The following ELMO1 variants were observed in gnomAD, a reference collection of about 807,000 sequenced individuals.
ELMO1 encodes the protein engulfment and cell motility protein 1.
Under a neutral mutation model 98.9 loss-of-function variants are expected in ELMO1, and 26 were observed. The observed-to-expected ratio is 0.26, with a 90% CI of 0.19 to 0.36. The LOEUF (loss-of-function observed/expected upper bound fraction) is 0.36, where lower values mean the gene tolerates loss of function less well. Among genes scored for constraint, ELMO1 ranks in the 10% least tolerant of loss-of-function variants. The pLI, the probability that ELMO1 is intolerant of heterozygous loss-of-function variation, is 1.00. For synonymous variants in ELMO1, 346 were observed against 346.0 expected (o/e 1.00, Z 0.00); for missense variants, 627 against 935.2 (o/e 0.67, Z 4.30).
At chr7:36,954,311 T>G (rs1481073781) in intron 16 of ELMO1, among the ~76,000 whole-genome samples, 1 of 152,184 alleles carries the variant, frequency 6.6e-6, no homozygotes, top group Non-Finnish European at 1.5e-5. Context: ...GAATTAGGGT[T>G]CTGGCCAAAT....
chr7:36,923,345 T>C (rs1206208069), intron 16 of ELMO1, among the ~76,000 whole-genome samples: 4 of 152,230 alleles, frequency 2.6e-5, no homozygotes, highest in Admixed American at 6.5e-5. Flanking sequence ...GTCAATGTTA[T>C]ATCTCAGGTA....
intron 14 of ELMO1, among the ~76,000 whole-genome samples, chr7:37,103,125 A>G (rs1398464110): frequency 1.3e-5 from 2 of 152,232 alleles, no homozygotes; most frequent in East Asian, 3.8e-4. Context: ...AAACACCTCA[A>G]ACACTTGATG....
intron 6 of ELMO1, among the ~76,000 whole-genome samples, chr7:37,249,687 C>T (rs1277653244): frequency 6.6e-6 from 1 of 152,168 alleles, no homozygotes; most frequent in African/African-American, 2.4e-5. Flanking sequence ...TATTTTAAAA[C>T]AGCTTTAAAA....
intron 13 of ELMO1, among the ~76,000 whole-genome samples, chr7:37,143,282 G>C (rs1787756948): frequency 6.6e-6 from 1 of 152,236 alleles, no homozygotes; most frequent in African/African-American, 2.4e-5. Flanking sequence ...TGAACTCAGA[G>C]CATGGGCTTT....
intron 6 of ELMO1, among the ~76,000 whole-genome samples, chr7:37,250,015 G>T (rs942886239): frequency 6.6e-5 from 10 of 152,138 alleles, no homozygotes; most frequent in Non-Finnish European, 1.0e-4. Context: ...GGAGGTCAAG[G>T]CTGCAGTGAG....
chr7:37,260,853 G>A (rs1035422113), intron 5 of ELMO1, among the ~76,000 whole-genome samples: 1 of 152,186 alleles, frequency 6.6e-6, no homozygotes, highest in African/African-American at 2.4e-5. Context: ...TATTAAAAGG[G>A]AGAGTGGAGA....
chr7:36,963,215 T>C (rs1584443445), intron 16 of ELMO1, among the ~76,000 whole-genome samples: 1 of 151,502 alleles, frequency 6.6e-6, no homozygotes, highest in East Asian at 1.9e-4. Flanking sequence ...CTGTCTCTAC[T>C]AAAAATACAA....
intron 1 of ELMO1, among the ~76,000 whole-genome samples, chr7:37,396,435 T>C (rs1803303033): frequency 6.6e-6 from 1 of 152,082 alleles, no homozygotes; most frequent in South Asian, 2.1e-4. Context: ...GTCAGAGCCA[T>C]TAATATAGTC....
intron 1 of ELMO1, among the ~76,000 whole-genome samples, chr7:37,396,559 A>G (rs532156627): frequency 6.6e-6 from 1 of 152,332 alleles, no homozygotes; most frequent in Non-Finnish European, 1.5e-5. Flanking sequence ...ATGGACAAGA[A>G]TCATTCACAC....
intron 15 of ELMO1, among the ~76,000 whole-genome samples, chr7:37,022,800 T>C (rs1016015865): frequency 6.6e-6 from 1 of 152,236 alleles, no homozygotes; most frequent in African/African-American, 2.4e-5. Context: ...GCAGCACTAT[T>C]TGTTACAGCC....
rs1051469865 is a variant in ELMO1, at chr7:37,384,491, T to C, written c.-73-41728A>G. Among the ~76,000 whole-genome samples the C allele has an allele frequency of 8.5e-5, 13 of 152,060 alleles. No homozygotes were observed. The East Asian group carries it at 9.7e-4, about 11-fold the overall frequency. On this transcript the variant is annotated intron_variant, in intron 1 of 21. Coordinates refer to ENST00000310758, the MANE Select transcript of ELMO1 (RefSeq NM_014800.11). ...ATCCCAGCACTTTGGGAGGCCGAGG[T>C]GGGCGGATCACGAGGTCAGGAGATC...
intron 2 of ELMO1, among the ~76,000 whole-genome samples, chr7:37,328,614 AG>A (rs1799946016): frequency 6.6e-6 from 1 of 152,128 alleles, no homozygotes; most frequent in Non-Finnish European, 1.5e-5. Context: ...CCTGGCACAT[AG>A]GAAGTTCAGG....
intron 1 of ELMO1, among the ~76,000 whole-genome samples, chr7:37,420,217 G>T (rs1396667509): frequency 6.6e-6 from 1 of 152,106 alleles, no homozygotes; most frequent in African/African-American, 2.4e-5. Flanking sequence ...AAAATAAGCT[G>T]CCCTGGCACA....
intron 5 of ELMO1, among the ~76,000 whole-genome samples, chr7:37,264,663 T>A (rs1013411088): frequency 9.2e-5 from 14 of 152,128 alleles, no homozygotes; most frequent in Admixed American, 9.2e-4. Flanking sequence ...TAGAAAAAAG[T>A]TTTACTTTGG....
At chr7:36,959,479 G>A (rs968944609) in intron 16 of ELMO1, among the ~76,000 whole-genome samples, 8 of 152,022 alleles carry the variant, frequency 5.3e-5, no homozygotes, top group Non-Finnish European at 8.8e-5. Context: ...TGACATCTGC[G>A]TACTTTGAAC....
intron 2 of ELMO1, among the ~76,000 whole-genome samples, chr7:37,321,491 G>GCAGATCATGAGGTCAGGAGAT (rs1273852599): frequency 2.0e-5 from 3 of 151,900 alleles, no homozygotes; most frequent in Non-Finnish European, 2.9e-5. Flanking sequence ...GCCAAGGCAG[G>GCAGATCATGAGGTCAGGAGAT]CAGATCATGA....
At chr7:36,979,630 T>C (rs1429620428) in intron 16 of ELMO1, among the ~76,000 whole-genome samples, 3 of 152,180 alleles carry the variant, frequency 2.0e-5, no homozygotes, top group Non-Finnish European at 4.4e-5. Context: ...ACCTTTAGCA[T>C]TAAGTAGTCT....
Position 37,355,426 on chromosome 7 carries a change from C to T in ELMO1, c.-73-12663G>A, listed in dbSNP as rs377092173. Among the ~76,000 whole-genome samples the T allele has an allele frequency of 8.5e-5, 13 of 152,326 alleles. No individual in the cohort carries two copies. In the East Asian group the frequency reaches 1.5e-3, roughly 18 times the overall value. On this transcript the variant is annotated intron_variant, in intron 1 of 21. Transcript: ENST00000310758. ...TCTCATGAAACACACAGAAGCCACACTGCATGAGAATTCCTTTTGCTGTAA... is the reference window on the plus strand; with the variant it reads ...TCTCATGAAACACACAGAAGCCACATTGCATGAGAATTCCTTTTGCTGTAA...
chr7:37,160,854 G>A (rs1789149933), intron 13 of ELMO1, among the ~76,000 whole-genome samples: 1 of 152,112 alleles, frequency 6.6e-6, no homozygotes, highest in Admixed American at 6.6e-5. Context: ...GCAACAGGTG[G>A]GAGGAGCAGA....
Sources: allele counts gnomAD v4.1 joint callset (sites outside exome capture counted in the v4.1 genomes callset), GRCh38; gene constraint gnomAD v4.1.1; transcripts MANE v1.5; gene names NCBI Gene and HGNC (gene_info 2026-07-23, HGNC 2026-07-21).